Variants in SLC16A4 observed in about 807,000 individuals in gnomAD.
The protein encoded by SLC16A4 is probable monocarboxylate transporter 5.
Under a neutral mutation model 47.9 loss-of-function variants are expected in SLC16A4, and 39 were observed. The ratio of observed to expected loss-of-function variants is 0.81; its 90% CI spans 0.63 to 1.06. SLC16A4 has a LOEUF of 1.06. SLC16A4 is among the 50% of genes least tolerant of loss of function. The pLI is 0.00. For synonymous variants in SLC16A4, 189 were observed against 199.9 expected, an observed-to-expected ratio of 0.95 and a Z score of 0.46; for missense variants, 524 against 573.8, an observed-to-expected ratio of 0.91 and a Z score of 0.89.
At position 110,381,675 on chromosome 1, in the gene SLC16A4, C is replaced by A; in HGVS notation, c.341G>T (p.Cys114Phe). 3.7e-6 allele frequency: 6 copies of A among 1,612,626 alleles called. No homozygotes were observed. The highest frequency in any genetic ancestry group is 5.1e-6 in the Non-Finnish European group (6 of 1,179,694). Residue 114 changes from cysteine (C) to phenylalanine (F), a missense_variant, in exon 4 of 9, where the codon TGT becomes TTT. By Grantham distance (205) the Cys-to-Phe change is radical. Coordinates refer to ENST00000369779, the MANE Select transcript of SLC16A4 (RefSeq NM_004696.3). ...ACCGGGTAGAAGTCCCATAGTCACA[C>A]AAAGAAAAGGAATACTTGTGGCCCA... Reference protein sequence around the residue: ...SSWATSIPFLCVTMGLLPGLG... With the variant: ...SSWATSIPFLFVTMGLLPGLG...
rs1557904761 is a variant in SLC16A4 at position 110,374,011 on chromosome 1, A to ATATAT, written c.1336+1446_1336+1447insATATA. ...ACAATTCTTGTTATCCTTAGTTTAT[A>ATATAT]GTCTCCTTCTTTTAATATTTACTTT... On this transcript the variant is annotated intron_variant, in intron 8 of 8. Coordinates refer to ENST00000369779, the MANE Select transcript of SLC16A4 (RefSeq NM_004696.3). Among the ~76,000 whole-genome samples, 4 of 110,668 alleles carry ATATAT rather than the reference A, an allele frequency of 3.6e-5. No individual in the cohort carries two copies. In the Admixed American group the frequency reaches 3.9e-4, roughly 11 times the overall value. 72.6% of individuals were successfully genotyped at this position (110,668 alleles called of 152,430 possible).
At chr1:110,379,858 A>G (rs941967566) in intron 5 of SLC16A4, 1 of 153,048 alleles carries the variant, frequency 6.5e-6, no homozygotes, top group African/African-American at 2.4e-5. Context: ...GGAGTTCAGG[A>G]CCAGCCTGGG....
chr1:110,366,522 G>A (rs970109389), intron 8 of SLC16A4, among the ~76,000 whole-genome samples: 13 of 152,166 alleles, frequency 8.5e-5, no homozygotes, highest in African/African-American at 2.9e-4. Flanking sequence ...ATGAGGTTAT[G>A]ATATGCATTT....
rs58441281 is a variant in SLC16A4, at chr1:110,375,131, C to CTT, written c.1336+325_1336+326dup. The CTT allele has an allele frequency of 9.2e-3, 1,438 of 156,200 alleles. 18 individuals are homozygous for CTT. Among genetic ancestry groups the CTT allele is most frequent in the African/African-American group, 0.024 (932 of 38,818 alleles). The allele number at this position is 156,200 out of a possible 1,614,324, so 9.7% of individuals were successfully genotyped here. On this transcript the variant is annotated intron_variant, in intron 8 of 8. Coordinates refer to ENST00000369779, the MANE Select transcript of SLC16A4 (RefSeq NM_004696.3). ...ACAGGCGTGAGCAATTGCTCCCAGC[C>CTT]TTTTTTTTTTTTTTTTAAAGCATCA...
At chr1:110,381,344 C>T (rs1397145237) in intron 4 of SLC16A4, among the ~76,000 whole-genome samples, 1 of 152,044 alleles carries the variant, frequency 6.6e-6, no homozygotes, top group Non-Finnish European at 1.5e-5. Flanking sequence ...TATTTTGAGA[C>T]AGGGTCTCAC....
Position 110,380,991 on chromosome 1 carries a change from C to A in SLC16A4, c.517G>T (p.Asp173Tyr). ...PFTKFLIDLY[D>Y]WTGALILFGA... Reference sequence around the variant, plus strand: ...ACTTAGAATGACGTACCTGTCCAGTCATACAGATCTATCAGGAATTTTGTA... The same window carrying A: ...ACTTAGAATGACGTACCTGTCCAGTAATACAGATCTATCAGGAATTTTGTA... The change falls in exon 5 of 9, where the codon GAC (aspartate) becomes TAC (tyrosine). Residue 173 changes from aspartate to tyrosine, a missense_variant. Coordinates refer to ENST00000369779, the MANE Select transcript of SLC16A4 (RefSeq NM_004696.3). 1 of 1,613,938 alleles carries A rather than the reference C, an allele frequency of 6.2e-7. No individual in the cohort carries two copies. The highest frequency in any genetic ancestry group is 1.1e-5 in the South Asian group (1 of 91,050).
At chr1:110,372,688 T>C (rs1661746587) in intron 8 of SLC16A4, 1 of 152,262 alleles carries the variant, frequency 6.6e-6, no homozygotes, top group Non-Finnish European at 1.5e-5. Context: ...TTTAAGATAC[T>C]AGGAGCACGT....
In SLC16A4 at chr1:110,379,074, C is replaced by T. The variant is rs770731370; in HGVS notation, c.809G>A (p.Arg270Lys). The T allele has an allele frequency of 1.2e-6, 2 of 1,614,106 alleles. No homozygotes were observed. The highest frequency in any genetic ancestry group is 1.3e-5 in the African/African-American group (1 of 74,938). ...EEFYNGPNRN[R>K]LLLKSDEESD... ...TTCTTCATCACTCTTTAATAACAGT[C>T]TGTTCCTGTTAGGCCCATTGTAGAA... is the stretch of plus-strand genomic sequence containing the variant. Residue 270 changes from arginine to lysine, a missense_variant, in exon 6 of 9, where the codon AGA becomes AAA. Coordinates refer to ENST00000369779, the MANE Select transcript of SLC16A4 (RefSeq NM_004696.3).
At chr1:110,376,667 G>A (rs1337809878) in intron 7 of SLC16A4, among the ~76,000 whole-genome samples, 1 of 152,118 alleles carries the variant, frequency 6.6e-6, no homozygotes, top group Non-Finnish European at 1.5e-5. Flanking sequence ...GGAGAGACGT[G>A]AACACAATCC....
intron 7 of SLC16A4, 104 bp downstream of exon 7, chr1:110,376,846 T>C: frequency 1.0e-6 from 1 of 995,140 alleles, no homozygotes; most frequent in Non-Finnish European, 1.5e-6. Context: ...TGAAATGATT[T>C]TTTAAGTTAC....
At chr1:110,389,496 T>C in intron 1 of SLC16A4, 141 bp from the exon 2 acceptor site, 1 of 611,144 alleles carries the variant, frequency 1.6e-6, no homozygotes. Context: ...GTTTGGAGAT[T>C]TCTGAAAGAA....
intron 8 of SLC16A4, among the ~76,000 whole-genome samples, chr1:110,368,956 C>CTTTTT (rs762080985): frequency 7.2e-6 from 1 of 139,572 alleles, no homozygotes; most frequent in East Asian, 2.1e-4. Context: ...AGTTATGAAT[C>CTTTTT]TTTTTTTTTT....
At chr1:110,377,307 C>G in intron 6 of SLC16A4, 146 bp from the exon 7 acceptor site, 1 of 643,992 alleles carries the variant, frequency 1.6e-6, no homozygotes, top group Middle Eastern at 4.2e-4. Context: ...CCAGTAAGCT[C>G]TATTATATAC....
chr1:110,376,563 G>C (rs1272106375), intron 7 of SLC16A4, among the ~76,000 whole-genome samples: 1 of 152,158 alleles, frequency 6.6e-6, no homozygotes, highest in East Asian at 1.9e-4. Context: ...AAACCACACT[G>C]GTCGGGAAAT....
chr1:110,368,892 A>T (rs947780037), intron 8 of SLC16A4, among the ~76,000 whole-genome samples: 8 of 152,226 alleles, frequency 5.3e-5, no homozygotes, highest in Non-Finnish European at 8.8e-5. Context: ...TCCTGTCTAA[A>T]AAGTATTCAT....
chr1:110,374,679 AT>A (rs1661884787), intron 8 of SLC16A4, among the ~76,000 whole-genome samples: 1 of 152,242 alleles, frequency 6.6e-6, no homozygotes, highest in Non-Finnish European at 1.5e-5. Context: ...TAAAACTACA[AT>A]TTGAATCTTA....
In SLC16A4 at chr1:110,377,119, G is replaced by T. The variant is rs1355406799; in HGVS notation, c.1073C>A (p.Ala358Asp). 1.9e-6 allele frequency: 3 copies of T among 1,613,984 alleles called. No individual in the cohort carries two copies. Residue 358 changes from alanine (A) to aspartate (D), a missense_variant, in exon 7 of 9, where the codon GCT (alanine) becomes GAT (aspartate). Ala to Asp is a moderately radical substitution (Grantham distance 126). Transcript: ENST00000369779. ...ATACTTCTTAATCCAGTTTTGATCA[G>T]CAACCCATCCAGAAATAATCTGACT... ...TVSQIISGWV[A>D]DQNWIKKYHY... is the part of the protein sequence containing the mutation.
chr1:110,386,923 A>G (rs535697774), intron 2 of SLC16A4, among the ~76,000 whole-genome samples: 30 of 152,306 alleles, frequency 2.0e-4, no homozygotes, highest in African/African-American at 3.1e-4. Flanking sequence ...TGCTAAACCA[A>G]TAGAGTCTTG....
At position 110,389,234 on chromosome 1, in the gene SLC16A4, T is replaced by G; in HGVS notation, c.87+3A>C. The G allele has an allele frequency of 6.2e-7, 1 of 1,612,712 alleles. No homozygotes were observed. On this transcript the variant is annotated splice_donor_region_variant and intron_variant, in intron 2 of 8. Transcript: ENST00000369779. ...GGAAAGGGGGAAAAAAGTGAATTCT[T>G]ACCAGGAAAAAATGAATCACAATCA... is the stretch of plus-strand genomic sequence containing the variant.
Sources: allele counts gnomAD v4.1 joint callset (sites outside exome capture counted in the v4.1 genomes callset), GRCh38; gene constraint gnomAD v4.1.1; transcripts MANE v1.5; gene names NCBI Gene and HGNC (gene_info 2026-07-23, HGNC 2026-07-21).